PXT1: variants seen among roughly 807,000 people sequenced by gnomAD.
PXT1 encodes the protein peroxisomal testis enriched protein 1.
Under a neutral mutation model 11.0 loss-of-function variants are expected in PXT1, and 11 were observed. The ratio of observed to expected loss-of-function variants is 1.00; its 90% CI spans 0.63 to 1.66. PXT1 has a LOEUF of 1.66. Among genes scored for constraint, PXT1 ranks in the 40% most tolerant of loss-of-function variants. PXT1 has a pLI of 0.00. For synonymous variants in PXT1, 43 were observed against 51.4 expected (o/e 0.84, Z 0.70); for missense variants, 141 against 155.5 (o/e 0.91, Z 0.49).
At chr6:36,407,419 T>A (rs1301947245) in intron 3 of PXT1, among the ~76,000 whole-genome samples, 1 of 152,204 alleles carries the variant, frequency 6.6e-6, no homozygotes, top group Non-Finnish European at 1.5e-5. Flanking sequence ...ATTTTCCAAG[T>A]ATTAAAATTT....
At chr6:36,409,462 A>C (rs1360853398) in intron 3 of PXT1, among the ~76,000 whole-genome samples, 1 of 152,068 alleles carries the variant, frequency 6.6e-6, no homozygotes, top group African/African-American at 2.4e-5. Flanking sequence ...TCTGATGGGG[A>C]TCAACTGCAC....
intron 3 of PXT1, among the ~76,000 whole-genome samples, chr6:36,408,011 G>C (rs1774314472): frequency 6.6e-6 from 1 of 150,472 alleles, no homozygotes; most frequent in Admixed American, 6.6e-5. Flanking sequence ...GCCCAGGCTG[G>C]AGTGCCTTGG....
intron 3 of PXT1, among the ~76,000 whole-genome samples, chr6:36,422,923 G>A (rs1774543311): frequency 6.6e-6 from 1 of 152,234 alleles, no homozygotes; most frequent in African/African-American, 2.4e-5. Flanking sequence ...GGTGGGCAGG[G>A]CCTCCTTTTG....
In PXT1 at chr6:36,407,048, T is replaced by C. The variant is rs79361848; in HGVS notation, c.170-6464A>G. On this transcript the variant is annotated intron_variant, in intron 3 of 4. Coordinates refer to ENST00000454782, the MANE Select transcript of PXT1 (RefSeq NM_152990.4). Reference sequence around the variant, plus strand: ...GTACATAAAACTGTAGGAGTATATGTTGGCTATAAATCAGCTTCAGCACAG... The same window carrying C: ...GTACATAAAACTGTAGGAGTATATGCTGGCTATAAATCAGCTTCAGCACAG... Among the ~76,000 whole-genome samples the C allele has an allele frequency of 5.8e-4, 88 of 152,348 alleles. No individual in the cohort carries two copies. The East Asian group carries it at 0.016, about 28-fold the overall frequency.
intron 3 of PXT1, among the ~76,000 whole-genome samples, chr6:36,410,437 T>A (rs1157321359): frequency 9.0e-4 from 81 of 89,846 alleles, no homozygotes; most frequent in Admixed American, 1.7e-3. Flanking sequence ...GCAACAAGAG[T>A]GAAAAAAAAA....
intron 3 of PXT1, among the ~76,000 whole-genome samples, chr6:36,417,303 C>T (rs187960352): frequency 1.2e-4 from 18 of 152,106 alleles, no homozygotes; most frequent in Admixed American, 7.9e-4. Context: ...GCCGAGATTG[C>T]GCCACTACAA....
chr6:36,406,621 G>A (rs1339751595), intron 3 of PXT1, among the ~76,000 whole-genome samples: 1 of 151,994 alleles, frequency 6.6e-6, no homozygotes, highest in Non-Finnish European at 1.5e-5. Flanking sequence ...GACCAGCCTG[G>A]CCAACATGGT....
At chr6:36,420,437 A>G (rs1774507806) in intron 3 of PXT1, among the ~76,000 whole-genome samples, 1 of 152,226 alleles carries the variant, frequency 6.6e-6, no homozygotes, top group Admixed American at 6.5e-5. Flanking sequence ...TGTGCTTAAT[A>G]TGATACTTTT....
intron 2 of PXT1, among the ~76,000 whole-genome samples, chr6:36,431,850 C>T (rs1035892019): frequency 6.6e-6 from 1 of 152,096 alleles, no homozygotes; most frequent in African/African-American, 2.4e-5. Flanking sequence ...GTGAGGATAT[C>T]GTTTGAGGTC....
At chr6:36,403,609 C>T (rs1487489720) in intron 3 of PXT1, among the ~76,000 whole-genome samples, 1 of 152,182 alleles carries the variant, frequency 6.6e-6, no homozygotes, top group African/African-American at 2.4e-5. Context: ...CATGATGGCT[C>T]ACACCTGTAA....
intron 3 of PXT1, among the ~76,000 whole-genome samples, chr6:36,410,074 G>A (rs1398197765): frequency 6.6e-6 from 1 of 151,384 alleles, no homozygotes; most frequent in Non-Finnish European, 1.5e-5. Context: ...TGTAATCCCA[G>A]CACTTTGGGG....
chr6:36,439,308 T>A (rs1202523855), intron 1 of PXT1, among the ~76,000 whole-genome samples: 1 of 151,442 alleles, frequency 6.6e-6, no homozygotes, highest in East Asian at 2.0e-4. Flanking sequence ...CAAATGCAGT[T>A]TATTTAAAAC....
At chr6:36,402,462 A>C (rs1363486322) in intron 3 of PXT1, among the ~76,000 whole-genome samples, 1 of 152,228 alleles carries the variant, frequency 6.6e-6, no homozygotes, top group Non-Finnish European at 1.5e-5. Flanking sequence ...CAAAGAGTCC[A>C]GTGGGAGAGA....
chr6:36,416,554 T>C (rs1774449472), intron 3 of PXT1, among the ~76,000 whole-genome samples: 1 of 152,208 alleles, frequency 6.6e-6, no homozygotes, highest in Admixed American at 6.5e-5. Context: ...TCAAGTTCTG[T>C]CTCAGTCACT....
Position 36,402,951 on chromosome 6 carries a change from C to CTT in PXT1, c.170-2369_170-2368dup, listed in dbSNP as rs58955450. On this transcript the variant is annotated intron_variant, in intron 3 of 4. Transcript: ENST00000454782. ...TTATTTTTCTTTTCTTTCTTTCTTT[C>CTT]TTTTTTTTTTTTTTGACACAGTTTC... Among the ~76,000 whole-genome samples the CTT allele has an allele frequency of 4.9e-5, 7 of 143,470 alleles. 1 individual carries two copies. Among genetic ancestry groups the CTT allele is most frequent in the South Asian group, 4.4e-4 (2 of 4,524 alleles). The allele number at this position is 143,470 out of a possible 152,430, so 94.1% of individuals were successfully genotyped here. A position where few individuals can be genotyped will look rare whatever the true frequency, so the allele number is the denominator to read the frequency against.
intron 3 of PXT1, among the ~76,000 whole-genome samples, chr6:36,409,781 G>T (rs1445389879): frequency 6.6e-6 from 1 of 150,406 alleles, no homozygotes; most frequent in Non-Finnish European, 1.5e-5. Flanking sequence ...AGCCATAATT[G>T]TTCCACTGTA....
chr6:36,400,676 A>G, intron 3 of PXT1, 92 bp from the exon 4 acceptor site: 3 of 1,370,534 alleles, frequency 2.2e-6, no homozygotes, highest in Non-Finnish European at 2.9e-6. Context: ...GTCTTAGAAA[A>G]TGAGAGGGTT....
intron 4 of PXT1, among the ~76,000 whole-genome samples, chr6:36,400,080 G>A (rs1774192928): frequency 6.6e-6 from 1 of 152,160 alleles, no homozygotes; most frequent in East Asian, 1.9e-4. Context: ...ATTGCATCCA[G>A]TTTTGAGGGT....
chr6:36,404,679 T>C (rs1261771415), intron 3 of PXT1, among the ~76,000 whole-genome samples: 2 of 150,302 alleles, frequency 1.3e-5, no homozygotes, highest in African/African-American at 4.9e-5. Flanking sequence ...TGGGGGGAGC[T>C]GGGCGCAGTG....
Sources: allele counts gnomAD v4.1 joint callset (sites outside exome capture counted in the v4.1 genomes callset), GRCh38; gene constraint gnomAD v4.1.1; transcripts MANE v1.5; gene names NCBI Gene and HGNC (gene_info 2026-07-23, HGNC 2026-07-21).